The following PANK2 variants were observed in gnomAD, a reference collection of about 807,000 sequenced individuals.
The protein encoded by PANK2 is pantothenate kinase 2, also known as pantothenate kinase 2, mitochondrial.
A neutral mutation model predicts 43.1 loss-of-function variants in PANK2; 36 were observed. The ratio of observed to expected loss-of-function variants is 0.84; its 90% CI spans 0.64 to 1.10. The LOEUF is 1.10. Ranked by LOEUF, PANK2 falls within the 50% of genes least tolerant of loss-of-function variation. PANK2 has a pLI of 0.00. For synonymous variants in PANK2, 281 were observed against 238.2 expected (o/e 1.18, Z -1.66); for missense variants, 576 against 593.3 (o/e 0.97, Z 0.30).
chr20:3,890,690 G>A (rs752882918), intron 1 of PANK2, among the ~76,000 whole-genome samples: 6 of 152,182 alleles, frequency 3.9e-5, no homozygotes, highest in Non-Finnish European at 5.9e-5. Flanking sequence ...AAAATGGCAA[G>A]ATGTGAGATT....
chr20:3,916,767 C>T (rs2090566495), intron 4 of PANK2, among the ~76,000 whole-genome samples, 160 bp from the exon 5 acceptor site: 1 of 152,182 alleles, frequency 6.6e-6, no homozygotes, highest in African/African-American at 2.4e-5. Context: ...TTGAAGTTTG[C>T]ATTTCTCTTT....
intron 4 of PANK2, among the ~76,000 whole-genome samples, chr20:3,915,797 G>A (rs966510047): frequency 6.6e-6 from 1 of 152,102 alleles, no homozygotes; most frequent in Non-Finnish European, 1.5e-5. Flanking sequence ...AGATGTTTGG[G>A]TTTACTCCTG....
At chr20:3,891,547 T>C (rs976808350) in intron 1 of PANK2, 1 of 152,244 alleles carries the variant, frequency 6.6e-6, no homozygotes, top group African/African-American at 2.4e-5. Context: ...CCACTGTGTT[T>C]TTCTGAATTA....
intron 2 of PANK2, 119 bp from the exon 3 acceptor site, chr20:3,910,458 A>G (rs1318684760): frequency 2.6e-6 from 3 of 1,139,464 alleles, no homozygotes; most frequent in African/African-American, 3.0e-5. Flanking sequence ...TGCACAAATA[A>G]TACACATCTG....
At chr20:3,900,599 A>G (rs568294087) in intron 1 of PANK2, among the ~76,000 whole-genome samples, 4 of 151,826 alleles carry the variant, frequency 2.6e-5, no homozygotes, top group Non-Finnish European at 5.9e-5. Flanking sequence ...TTACTTGTAT[A>G]ATCTTGTTTG....
At chr20:3,904,038 T>G (rs890982865) in intron 1 of PANK2, among the ~76,000 whole-genome samples, 2 of 151,914 alleles carry the variant, frequency 1.3e-5, no homozygotes, top group African/African-American at 4.8e-5. Flanking sequence ...TCAGGTGATC[T>G]GCCTGCCTTG....
chr20:3,900,893 C>T (rs1275011543), intron 1 of PANK2, among the ~76,000 whole-genome samples: 3 of 151,818 alleles, frequency 2.0e-5, no homozygotes, highest in East Asian at 1.9e-4. Flanking sequence ...CTCAGCCTAC[C>T]GAGTAGCTGG....
intron 1 of PANK2, among the ~76,000 whole-genome samples, chr20:3,893,800 A>G (rs2090160129): frequency 6.6e-6 from 1 of 152,046 alleles, no homozygotes; most frequent in African/African-American, 2.4e-5. Flanking sequence ...TGCCTTTATT[A>G]GGCTCAGCAT....
Position 3,928,689 on chromosome 20 carries a change from A to T in PANK2, c.*5395A>T. 1 of 124,522 alleles carries T rather than the reference A, an allele frequency of 8.0e-6. No individual in the cohort carries two copies. Among genetic ancestry groups the T allele is most frequent in the South Asian group, 2.8e-4 (1 of 3,600 alleles). The allele number at this position is 124,522 out of a possible 1,614,324, so 7.7% of individuals were successfully genotyped here. On this transcript the variant is annotated 3_prime_UTR_variant, in exon 7 of 7. Coordinates refer to ENST00000610179, the MANE Select transcript of PANK2 (RefSeq NM_001386393.1). ...CGTGAACCTGGGAGGCGGAGCTTGC[A>T]GTGGGCCAAGATCGTGCCACTGCAT...
Position 3,889,460 on chromosome 20 carries a change from G to T in PANK2, c.30G>T (p.Leu10=). The T allele has an allele frequency of 6.5e-7, 1 of 1,545,494 alleles. No individual in the cohort carries two copies. Residue 10 remains leucine (L), a synonymous_variant, in exon 1 of 7, where the codon CTG becomes CTT. Transcript: ENST00000610179. ...GGGGCTTGCTCGGGCGGCAGCGACT[G>T]CTGCTGCGGATGGGAGGGGGCCGGC...
At position 3,889,442 on chromosome 20, in the gene PANK2, G is replaced by A; in HGVS notation, c.12G>A (p.Leu4=). 3 of 1,555,658 alleles carry A rather than the reference G, an allele frequency of 1.9e-6. No individual in the cohort carries two copies. The highest frequency in any genetic ancestry group is 3.4e-4 in the Middle Eastern group (2 of 5,910). The change falls in exon 1 of 7, where the codon TTG becomes TTA. Residue 4 remains leucine, a synonymous_variant. Transcript: ENST00000610179. ...GAAGGAATCCGACGCTGGGGGGCTT[G>A]CTCGGGCGGCAGCGACTGCTGCTGC...
At chr20:3,914,004 T>C (rs1424941277) in intron 4 of PANK2, among the ~76,000 whole-genome samples, 3 of 151,506 alleles carry the variant, frequency 2.0e-5, no homozygotes, top group South Asian at 4.2e-4. Context: ...TTGGCCAGGA[T>C]GGTCTCGATC....
In PANK2 at chr20:3,910,750, G is replaced by C. The variant is rs766697349; in HGVS notation, c.825G>C (p.Leu275=). The C allele has an allele frequency of 6.2e-7, 1 of 1,614,138 alleles. No individual in the cohort carries two copies. Among genetic ancestry groups the C allele is most frequent in the Non-Finnish European group, 8.5e-7 (1 of 1,180,026 alleles). The stretch of plus-strand genomic sequence containing the variant: ...TTGATTTGAAAAATCCGTATCCTCT[G>C]CTTCTGGTGAACATTGGCTCAGGGG... The change falls in exon 3 of 7, where the codon CTG becomes CTC. Residue 275 remains leucine, a synonymous_variant. Transcript: ENST00000610179.
chr20:3,917,804 A>C (rs1267951508), intron 5 of PANK2, among the ~76,000 whole-genome samples: 1 of 152,168 alleles, frequency 6.6e-6, no homozygotes, highest in African/African-American at 2.4e-5. Flanking sequence ...CATTTGTTGG[A>C]ATATCATAAC....
Position 3,889,477 on chromosome 20 carries a change from G to A in PANK2, c.47G>A (p.Gly16Glu), listed in dbSNP as rs3737084. The change falls in exon 1 of 7, where the codon GGG becomes GAG. Residue 16 changes from glycine (G) to glutamate (E), a missense_variant. This residue lies in a region of PANK2 where 544 missense variants were observed against 528.9 expected (regional missense o/e 1.03). Transcript: ENST00000610179. The stretch of plus-strand genomic sequence containing the variant: ...CAGCGACTGCTGCTGCGGATGGGAG[G>A]GGGCCGGCTCGGCGCGCCCATGGAG... 23 of 1,524,104 alleles carry A rather than the reference G, an allele frequency of 1.5e-5. 1 individual carries two copies. In the South Asian group the frequency reaches 2.6e-4, roughly 17 times the overall value. 94.4% of individuals were successfully genotyped at this position (1,524,104 alleles called of 1,614,324 possible).
intron 3 of PANK2, 90 bp downstream of exon 3, chr20:3,910,920 T>G: frequency 6.7e-7 from 1 of 1,482,902 alleles, no homozygotes; most frequent in South Asian, 1.2e-5. Context: ...TTCAAGAACC[T>G]GTTAGGTGAA....
chr20:3,929,768 T>G lies in PANK2; in HGVS notation c.*6474T>G, dbSNP rs774090990. On this transcript the variant is annotated 3_prime_UTR_variant, in exon 7 of 7. Coordinates refer to ENST00000610179, the MANE Select transcript of PANK2 (RefSeq NM_001386393.1). The stretch of plus-strand genomic sequence containing the variant: ...GCAGATAGAAAGTCAATCAGAAAAA[T>G]CTGGTTGTGCTCTTGGATTAGCTGG... 1 of 152,176 alleles carries G rather than the reference T, an allele frequency of 6.6e-6. No homozygotes were observed. Among genetic ancestry groups the G allele is most frequent in the Non-Finnish European group, 1.5e-5 (1 of 68,026 alleles). The allele number at this position is 152,176 out of a possible 1,614,324, so 9.4% of individuals were successfully genotyped here.
At chr20:3,922,990 C>T (rs1208425779) in intron 6 of PANK2, among the ~76,000 whole-genome samples, 2 of 152,218 alleles carry the variant, frequency 1.3e-5, no homozygotes, top group Non-Finnish European at 2.9e-5. Context: ...CTGTCGCCCT[C>T]ACTGCGGGTT....
rs910929059 is a variant in PANK2, at chr20:3,924,495, T to C, written c.*1201T>C. The C allele has an allele frequency of 6.6e-6, 1 of 152,434 alleles. No homozygotes were observed. Among genetic ancestry groups the C allele is most frequent in the Non-Finnish European group, 1.5e-5 (1 of 68,232 alleles). 9.4% of individuals were successfully genotyped at this position (152,434 alleles called of 1,614,324 possible). On this transcript the variant is annotated 3_prime_UTR_variant, in exon 7 of 7. Transcript: ENST00000610179. ...TTCCAGCTGGGGCAAGGGGAACTGA[T>C]ATGTGGGCTGTGGGCTGTTCCACTA...
Sources: gnomAD v4.1 joint callset for allele counts (sites outside exome capture counted in the v4.1 genomes callset) on GRCh38, gnomAD v4.1.1 for gene constraint, gnomAD v4.1.1 regional missense constraint, MANE v1.5 for transcripts, NCBI Gene and HGNC (gene_info 2026-07-23, HGNC 2026-07-21) for gene names.